RSF1: variants seen among roughly 807,000 people sequenced by gnomAD.
RSF1 encodes the protein HBV pX-associated protein 8.
Under a neutral mutation model 145.2 loss-of-function variants are expected in RSF1, and 13 were observed. The ratio of observed to expected loss-of-function variants is 0.09; its 90% CI spans 0.06 to 0.14. The LOEUF (loss-of-function observed/expected upper bound fraction) is 0.14. RSF1 is among the 10% of genes least tolerant of loss of function. The pLI is 1.00. For synonymous variants in RSF1, 577 were observed against 592.6 expected (o/e 0.97, Z 0.38); for missense variants, 1,517 against 1,718.2 (o/e 0.88, Z 2.07).
chr11:77,670,255 C>T (rs1959485990), intron 15 of RSF1, among the ~76,000 whole-genome samples: 1 of 152,154 alleles, frequency 6.6e-6, no homozygotes. Flanking sequence ...CCCTGCACTC[C>T]CTTCTGTTTG....
intron 1 of RSF1, among the ~76,000 whole-genome samples, chr11:77,820,034 A>C (rs898638163): frequency 5.3e-5 from 8 of 152,144 alleles, no homozygotes; most frequent in Non-Finnish European, 1.2e-4. Flanking sequence ...ACCCAGGTGA[A>C]GGGAGATAAG....
At chr11:77,753,953 T>C (rs1295137643) in intron 2 of RSF1, among the ~76,000 whole-genome samples, 1 of 152,110 alleles carries the variant, frequency 6.6e-6, no homozygotes, top group Non-Finnish European at 1.5e-5. Flanking sequence ...TAAGCACCCA[T>C]TGCCTAGCCA....
intron 6 of RSF1, among the ~76,000 whole-genome samples, chr11:77,699,511 A>T (rs1960362456): frequency 6.6e-6 from 1 of 152,238 alleles, no homozygotes; most frequent in Admixed American, 6.5e-5. Context: ...AAAGAAAAGT[A>T]GCACTTTTGA....
At chr11:77,775,384 T>C (rs557658851) in intron 1 of RSF1, among the ~76,000 whole-genome samples, 3 of 152,226 alleles carry the variant, frequency 2.0e-5, no homozygotes, top group Admixed American at 1.3e-4. Flanking sequence ...TGACTCTGGG[T>C]TGTTCAGAGC....
the RSF1 span, chr11:77,841,302 G>A: frequency 7.2e-6 from 5 of 691,822 alleles, no homozygotes; most frequent in South Asian, 7.5e-5. Flanking sequence ...TCAAACCATA[G>A]CACTAAACTA....
At chr11:77,848,879 A>C in the RSF1 span, among the ~76,000 whole-genome samples, 1 of 152,076 alleles carries the variant, frequency 6.6e-6, no homozygotes, top group Non-Finnish European at 1.5e-5. Context: ...TCAACCTCTT[A>C]GATTCAAGCG....
intron 1 of RSF1, among the ~76,000 whole-genome samples, chr11:77,767,989 A>C (rs1249949596): frequency 6.6e-6 from 1 of 152,218 alleles, no homozygotes; most frequent in East Asian, 1.9e-4. Flanking sequence ...CTTGATTTAA[A>C]AGAGTACTGG....
intron 1 of RSF1, among the ~76,000 whole-genome samples, chr11:77,795,420 G>A (rs928560509): frequency 8.4e-4 from 128 of 152,242 alleles, no homozygotes; most frequent in African/African-American, 3.0e-3. Flanking sequence ...TCCAAACAGA[G>A]AGACAGCTGT....
At position 77,683,827 on chromosome 11, in the gene RSF1, A is replaced by G. The variant is rs1565147290; in HGVS notation, c.2956-8T>C. ...TTCAGAAAAGTCTGGCTCCTTAAAA[A>G]ATATGATAATAAGCATAGAGGTTAT... On this transcript the variant is annotated splice_polypyrimidine_tract_variant and splice_region_variant and intron_variant, in intron 10 of 15. Coordinates refer to ENST00000308488, the MANE Select transcript of RSF1 (RefSeq NM_016578.4). 2 of 1,589,610 alleles carry G rather than the reference A, an allele frequency of 1.3e-6. No homozygotes were observed. The highest frequency in any genetic ancestry group is 1.7e-6 in the Non-Finnish European group (2 of 1,161,954).
chr11:77,870,714 A>G, the RSF1 span, among the ~76,000 whole-genome samples: 3 of 152,266 alleles, frequency 2.0e-5, no homozygotes, highest in South Asian at 6.2e-4. Context: ...ATGTAGAAGT[A>G]AAAAGGTGGG....
At position 77,755,144 on chromosome 11, in the gene RSF1, T is replaced by A. The variant is rs560144294; in HGVS notation, c.280-8016A>T. Among the ~76,000 whole-genome samples, 12 of 152,352 alleles carry A rather than the reference T, an allele frequency of 7.9e-5. 1 individual carries two copies. The East Asian group carries it at 2.3e-3, about 29-fold the overall frequency. ...TTTAAATAAGGGGAAAATAGTATGA[T>A]CTGATTAATGCTTCATTTGAAATCA... On this transcript the variant is annotated intron_variant, in intron 2 of 15. Coordinates refer to ENST00000308488, the MANE Select transcript of RSF1 (RefSeq NM_016578.4).
At chr11:77,759,036 G>A (rs1590870928) in intron 2 of RSF1, among the ~76,000 whole-genome samples, 1 of 152,274 alleles carries the variant, frequency 6.6e-6, no homozygotes, top group East Asian at 1.9e-4. Context: ...CCAAGGTCAT[G>A]AAGATTTCCC....
intron 5 of RSF1, among the ~76,000 whole-genome samples, chr11:77,715,981 A>G (rs965510863): frequency 1.9e-4 from 29 of 152,178 alleles, no homozygotes; most frequent in Admixed American, 1.9e-3. Flanking sequence ...ATCCCCATCC[A>G]TAAGTTTCTA....
chr11:77,693,676 C>T lies in RSF1; in HGVS notation c.2716-65G>A, dbSNP rs1409928490. 1.1e-5 allele frequency: 12 copies of T among 1,098,890 alleles called. 1 individual carries two copies. The highest frequency in any genetic ancestry group is 1.9e-5 in the Admixed American group (1 of 52,140). 68.1% of individuals were successfully genotyped at this position (1,098,890 alleles called of 1,614,324 possible). A position where few individuals can be genotyped will look rare whatever the true frequency, so the allele number is the denominator to read the frequency against. ...AATTCAATGACTCTTAGGTTAAAGA[C>T]GTTTCAATATCTCTGAGTACTATAC... On this transcript the variant is annotated intron_variant, in intron 7 of 15. Transcript: ENST00000308488.
At chr11:77,735,959 G>A (rs999068577) in intron 4 of RSF1, among the ~76,000 whole-genome samples, 6 of 152,130 alleles carry the variant, frequency 3.9e-5, no homozygotes, top group South Asian at 2.1e-4. Context: ...GGATGGTCTC[G>A]ATATCTTGAC....
upstream of RSF1, among the ~76,000 whole-genome samples, chr11:77,821,876 T>G (rs1395243785): frequency 1.3e-5 from 2 of 152,160 alleles, no homozygotes; most frequent in Non-Finnish European, 2.9e-5. Flanking sequence ...CTAGCGGGGC[T>G]ACTTCATGAC....
At chr11:77,769,990 G>A (rs1229387316) in intron 1 of RSF1, among the ~76,000 whole-genome samples, 1 of 152,120 alleles carries the variant, frequency 6.6e-6, no homozygotes, top group African/African-American at 2.4e-5. Flanking sequence ...ACTCTCTTGG[G>A]GGAGCAGTTT....
intron 4 of RSF1, among the ~76,000 whole-genome samples, chr11:77,727,161 C>T (rs1961075047): frequency 6.6e-6 from 1 of 152,130 alleles, no homozygotes; most frequent in Non-Finnish European, 1.5e-5. Flanking sequence ...CTCCATTTTA[C>T]AGGAAGGAAA....
intron 12 of RSF1, 198 bp from the exon 13 acceptor site, chr11:77,677,197 G>A (rs1959731832): frequency 1.8e-6 from 1 of 564,548 alleles, no homozygotes. Context: ...CTACTGAAGA[G>A]AAGTTTACTA....
Sources: allele counts gnomAD v4.1 joint callset (sites outside exome capture counted in the v4.1 genomes callset), GRCh38; gene constraint gnomAD v4.1.1; transcripts MANE v1.5; gene names NCBI Gene and HGNC (gene_info 2026-07-23, HGNC 2026-07-21).